EVI5: variants seen among roughly 807,000 people sequenced by gnomAD.
EVI5 encodes ecotropic viral integration site 5 protein homolog.
A neutral mutation model predicts 112.0 loss-of-function variants in EVI5; 73 were observed. That is an observed-to-expected ratio of 0.65 (90% CI 0.54 to 0.79). The LOEUF is 0.79. EVI5 is among the 30% of genes least tolerant of loss of function. EVI5 has a pLI of 0.00. For synonymous variants in EVI5, 305 were observed against 319.9 expected (o/e 0.95, Z 0.50); for missense variants, 900 against 968.8 (o/e 0.93, Z 0.94).
chr1:92,695,459 G>A lies in EVI5; in HGVS notation c.766-6C>T. The A allele has an allele frequency of 6.4e-7, 1 of 1,573,484 alleles. No individual in the cohort carries two copies. Among genetic ancestry groups the A allele is most frequent in the South Asian group, 1.2e-5 (1 of 86,722 alleles). ...AAGAGCTCTGGAAGATGCTCCTAAAGAGAAGAAAATAATTAGTTATAACAC... is the reference window on the plus strand; with the variant it reads ...AAGAGCTCTGGAAGATGCTCCTAAAAAGAAGAAAATAATTAGTTATAACAC... On this transcript the variant is annotated splice_polypyrimidine_tract_variant and splice_region_variant and intron_variant, in intron 6 of 19. Transcript: ENST00000684568.
rs367754544 is a variant in EVI5, at chr1:92,695,397, C to A, written c.822G>T (p.Met274Ile). Reference sequence around the variant, plus strand: ...TAGTCAGAAACCAGGATGATGCATACATTGAGGTATGAAAACTCTGAGATT... The same window carrying A: ...TAGTCAGAAACCAGGATGATGCATAAATTGAGGTATGAAAACTCTGAGATT... ...HFQSQSFHTS[M>I]YASSWFLTIF... The change falls in exon 7 of 20, where the codon ATG becomes ATT. Residue 274 changes from methionine to isoleucine, a missense_variant. Met to Ile is a conservative substitution (Grantham distance 10, BLOSUM62 1). Coordinates refer to ENST00000684568, the MANE Select transcript of EVI5 (RefSeq NM_001350197.2). The A allele has an allele frequency of 8.1e-6, 13 of 1,606,186 alleles. No individual in the cohort carries two copies. In the South Asian group the frequency reaches 8.8e-5, roughly 11 times the overall value.
chr1:92,756,634 T>A (rs938764121), intron 1 of EVI5: 20 of 505,010 alleles, frequency 4.0e-5, no homozygotes, highest in African/African-American at 3.9e-4. Flanking sequence ...CTAGACAGTC[T>A]CCCAGCCCTC....
At chr1:92,743,524 G>T (rs886284094) in intron 1 of EVI5, among the ~76,000 whole-genome samples, 1 of 151,878 alleles carries the variant, frequency 6.6e-6, no homozygotes, top group Admixed American at 6.6e-5. Flanking sequence ...ATGGGAAGAG[G>T]AAATAGGGAG....
At chr1:92,609,921 G>C (rs1490234240) in intron 16 of EVI5, among the ~76,000 whole-genome samples, 2 of 148,402 alleles carry the variant, frequency 1.3e-5, no homozygotes, top group African/African-American at 5.0e-5. Flanking sequence ...AGCTTGCTCT[G>C]TTGCCCAGGC....
At chr1:92,646,330 A>T (rs1660959954) in intron 13 of EVI5, among the ~76,000 whole-genome samples, 2 of 152,220 alleles carry the variant, frequency 1.3e-5, no homozygotes, top group South Asian at 4.1e-4. Context: ...TACTTTGCTG[A>T]CAACAGTTCT....
At chr1:92,707,975 G>C (rs1672265247) in intron 2 of EVI5, among the ~76,000 whole-genome samples, 1 of 152,140 alleles carries the variant, frequency 6.6e-6, no homozygotes, top group Non-Finnish European at 1.5e-5. Flanking sequence ...ATAGATGTTA[G>C]AACGAAAGAA....
upstream of EVI5, among the ~76,000 whole-genome samples, chr1:92,788,798 G>GCAA (rs1165457403): frequency 3.3e-5 from 5 of 151,722 alleles, no homozygotes; most frequent in African/African-American, 9.7e-5. Context: ...TGTCTCAACA[G>GCAA]CAACAACAAC....
At chr1:92,660,928 T>A (rs574506604) in intron 13 of EVI5, among the ~76,000 whole-genome samples, 51 of 152,110 alleles carry the variant, frequency 3.4e-4, no homozygotes, top group African/African-American at 1.1e-3. Flanking sequence ...TGAATTTTAT[T>A]ACATATAAAT....
At chr1:92,784,546 G>T in intron 1 of EVI5, 1 of 361,918 alleles carries the variant, frequency 2.8e-6, no homozygotes, top group Non-Finnish European at 3.1e-6. Context: ...TGCCCCCGAA[G>T]CTGCTCCGTC....
rs930360120 is a variant in EVI5 at position 92,510,197 on chromosome 1, G to C, written c.*3459C>G. The C allele has an allele frequency of 1.3e-5, 2 of 152,080 alleles. No individual in the cohort carries two copies. The highest frequency in any genetic ancestry group is 4.8e-5 in the African/African-American group (2 of 41,422). The allele number at this position is 152,080 out of a possible 1,614,324, so 9.4% of individuals were successfully genotyped here. On this transcript the variant is annotated 3_prime_UTR_variant, in exon 20 of 20. Transcript: ENST00000684568. Reference sequence around the variant, plus strand: ...TAACACCTAATTCCTAATCAGAAATGGTACTTAAGAATATCAACGTTTAGA... The same window carrying C: ...TAACACCTAATTCCTAATCAGAAATCGTACTTAAGAATATCAACGTTTAGA...
chr1:92,785,928 A>G (rs1263727002), upstream of EVI5, among the ~76,000 whole-genome samples: 1 of 151,728 alleles, frequency 6.6e-6, no homozygotes, highest in Non-Finnish European at 1.5e-5. Flanking sequence ...AAAAATACAA[A>G]AAAAAAAAAT....
intron 18 of EVI5, among the ~76,000 whole-genome samples, chr1:92,574,524 A>G (rs1162562346): frequency 6.6e-6 from 1 of 152,202 alleles, no homozygotes; most frequent in Non-Finnish European, 1.5e-5. Context: ...TGAGACGAAT[A>G]GAATGTCAAG....
intron 10 of EVI5, among the ~76,000 whole-genome samples, chr1:92,673,938 T>A (rs1666288441): frequency 6.6e-6 from 1 of 152,176 alleles, no homozygotes. Context: ...TATAAACACA[T>A]TTCACAACAT....
At chr1:92,790,482 C>A (rs1487357642) in intron 1 of EVI5, among the ~76,000 whole-genome samples, 4 of 151,096 alleles carry the variant, frequency 2.6e-5, no homozygotes, top group African/African-American at 9.7e-5. Flanking sequence ...CATAACACTC[C>A]ATTTCAACTC....
intron 1 of EVI5, among the ~76,000 whole-genome samples, chr1:92,748,590 A>G (rs1047464946): frequency 6.6e-6 from 1 of 152,238 alleles, no homozygotes; most frequent in African/African-American, 2.4e-5. Flanking sequence ...ACAAAACAAA[A>G]TTAAAATATT....
At chr1:92,780,891 G>A (rs1342665503) in intron 1 of EVI5, among the ~76,000 whole-genome samples, 3 of 147,436 alleles carry the variant, frequency 2.0e-5, no homozygotes, top group African/African-American at 7.6e-5. Flanking sequence ...TCACTCTGTC[G>A]CCCAGGCTAG....
chr1:92,689,738 T>C (rs1258516887), intron 9 of EVI5, among the ~76,000 whole-genome samples: 1 of 152,236 alleles, frequency 6.6e-6, no homozygotes, highest in Non-Finnish European at 1.5e-5. Context: ...TTTGTGATGT[T>C]GAACACAGCT....
intron 2 of EVI5, among the ~76,000 whole-genome samples, chr1:92,728,075 T>C (rs1192341805): frequency 6.6e-6 from 1 of 151,116 alleles, no homozygotes; most frequent in Non-Finnish European, 1.5e-5. Flanking sequence ...GTTAACACTA[T>C]TCAAAAGGAA....
chr1:92,675,850 G>T (rs1486816067), intron 10 of EVI5, among the ~76,000 whole-genome samples: 1 of 151,686 alleles, frequency 6.6e-6, no homozygotes, highest in Non-Finnish European at 1.5e-5. Flanking sequence ...CAGCTACTTG[G>T]GAAGCTGAGG....
Sources: gnomAD v4.1 joint callset for allele counts (sites outside exome capture counted in the v4.1 genomes callset) on GRCh38, gnomAD v4.1.1 for gene constraint, MANE v1.5 for transcripts, NCBI Gene and HGNC (gene_info 2026-07-23, HGNC 2026-07-21) for gene names.